STAG1: variants seen among roughly 807,000 people sequenced by gnomAD.
STAG1 encodes the protein STAG1 cohesin complex component.
A neutral mutation model predicts 170.9 loss-of-function variants in STAG1; 26 were observed. That is an observed-to-expected ratio of 0.15 (90% CI 0.11 to 0.21). The LOEUF is 0.21. Ranked by LOEUF, STAG1 falls within the 10% of genes least tolerant of loss-of-function variation. The pLI, the probability that STAG1 is intolerant of heterozygous loss-of-function variation, is 1.00. For synonymous variants in STAG1, 514 were observed against 497.7 expected, an observed-to-expected ratio of 1.03 and a Z score of -0.44; for missense variants, 964 against 1,509.5, an observed-to-expected ratio of 0.64 and a Z score of 5.99.
chr3:136,429,505 G>A (rs532306340), intron 16 of STAG1, among the ~76,000 whole-genome samples: 4 of 152,214 alleles, frequency 2.6e-5, no homozygotes, highest in Non-Finnish European at 5.9e-5. Context: ...AGAAAATGCT[G>A]AAGAAGGGGT....
chr3:136,596,684 C>T (rs1182263783), intron 4 of STAG1, among the ~76,000 whole-genome samples: 5 of 152,154 alleles, frequency 3.3e-5, no homozygotes, highest in Admixed American at 2.0e-4. Flanking sequence ...ATGTGTTATG[C>T]ATCATTCTGC....
chr3:136,512,939 A>G (rs907774634), intron 7 of STAG1, among the ~76,000 whole-genome samples: 1 of 152,228 alleles, frequency 6.6e-6, no homozygotes, highest in Non-Finnish European at 1.5e-5. Context: ...TTACAGTTTA[A>G]AAAGCAGAGA....
intron 5 of STAG1, among the ~76,000 whole-genome samples, chr3:136,559,470 G>C (rs1256434565): frequency 2.0e-5 from 3 of 152,244 alleles, no homozygotes; most frequent in Middle Eastern, 3.4e-3. Flanking sequence ...TAAGCTCCTT[G>C]AGAAACTGCA....
intron 4 of STAG1, among the ~76,000 whole-genome samples, chr3:136,569,454 A>G (rs543632256): frequency 2.0e-5 from 3 of 152,032 alleles, no homozygotes; most frequent in African/African-American, 7.2e-5. Flanking sequence ...GGTTCAATAA[A>G]ATCTACTTAA....
At chr3:136,543,777 A>T (rs1275769544) in intron 5 of STAG1, among the ~76,000 whole-genome samples, 13 of 152,234 alleles carry the variant, frequency 8.5e-5, no homozygotes, top group Admixed American at 7.2e-4. Flanking sequence ...CACATGGGAA[A>T]CATTCAAACA....
At chr3:136,435,522 C>T (rs1288326045) in intron 15 of STAG1, among the ~76,000 whole-genome samples, 1 of 152,100 alleles carries the variant, frequency 6.6e-6, no homozygotes, top group Non-Finnish European at 1.5e-5. Context: ...CCAGAACTCT[C>T]TCAAACCCAC....
At chr3:136,541,724 T>TAATA (rs1935915778) in intron 6 of STAG1, among the ~76,000 whole-genome samples, 2 of 152,188 alleles carry the variant, frequency 1.3e-5, no homozygotes, top group Non-Finnish European at 2.9e-5. Context: ...GAGACAGGTA[T>TAATA]AATATGTGGT....
chr3:136,521,723 A>G (rs746744628), intron 6 of STAG1, among the ~76,000 whole-genome samples: 24 of 152,202 alleles, frequency 1.6e-4, no homozygotes, highest in Non-Finnish European at 2.8e-4. Flanking sequence ...AATCTGAAAC[A>G]GTAAAAAAAA....
intron 1 of STAG1, among the ~76,000 whole-genome samples, chr3:136,701,963 CT>C (rs552750389): frequency 1.2e-3 from 181 of 144,940 alleles, no homozygotes; most frequent in Non-Finnish European, 1.1e-3. Context: ...TTCTTTTACT[CT>C]TTTTTTTTTT....
At chr3:136,416,900 C>T (rs551015956) in intron 21 of STAG1, among the ~76,000 whole-genome samples, 9 of 146,104 alleles carry the variant, frequency 6.2e-5, no homozygotes, top group Non-Finnish European at 8.9e-5. Flanking sequence ...GGCTGAAGTG[C>T]AGTGGCACCA....
rs115832634 is a variant in STAG1 at position 136,494,983 on chromosome 3, C to A, written c.902+5240G>T. 7.5e-3 allele frequency among the ~76,000 whole-genome samples: 1,143 copies of A among 152,174 alleles called. 18 individuals carry two copies. Among genetic ancestry groups the A allele is most frequent in the African/African-American group, 0.026 (1,090 of 41,528 alleles). On this transcript the variant is annotated intron_variant, in intron 9 of 33. Coordinates refer to ENST00000383202, the MANE Select transcript of STAG1 (RefSeq NM_005862.3). ...TGACAAGCTGACCCTAAGATTTATACAGAAATGCAAAGAATCTGTACCAGT... is the reference window on the plus strand; with the variant it reads ...TGACAAGCTGACCCTAAGATTTATAAAGAAATGCAAAGAATCTGTACCAGT...
intron 1 of STAG1, among the ~76,000 whole-genome samples, chr3:136,715,980 C>T (rs1401949906): frequency 1.3e-5 from 2 of 151,924 alleles, no homozygotes; most frequent in Non-Finnish European, 2.9e-5. Flanking sequence ...TGCCAGTAGT[C>T]CCAGCTACTC....
At chr3:136,713,063 G>T (rs1943428402) in intron 1 of STAG1, among the ~76,000 whole-genome samples, 1 of 152,094 alleles carries the variant, frequency 6.6e-6, no homozygotes, top group African/African-American at 2.4e-5. Context: ...CTGCACTCCA[G>T]GCAGGGCAAC....
chr3:136,462,942 A>C (rs2107794532), intron 13 of STAG1, among the ~76,000 whole-genome samples: 2 of 152,316 alleles, frequency 1.3e-5, no homozygotes, highest in Non-Finnish European at 2.9e-5. Flanking sequence ...CAATCTCATA[A>C]GTTTATTTTT....
At chr3:136,702,239 A>G (rs1943105104) in intron 1 of STAG1, among the ~76,000 whole-genome samples, 1 of 152,256 alleles carries the variant, frequency 6.6e-6, no homozygotes, top group African/African-American at 2.4e-5. Context: ...CTCTTGCCTC[A>G]TCCTCCCAAA....
chr3:136,424,118 C>T (rs1377985294), intron 16 of STAG1, among the ~76,000 whole-genome samples: 1 of 152,060 alleles, frequency 6.6e-6, no homozygotes, highest in Non-Finnish European at 1.5e-5. Flanking sequence ...CACGCCCGGC[C>T]TTGTTGTTCA....
intron 1 of STAG1, among the ~76,000 whole-genome samples, chr3:136,694,997 C>T (rs8179900): frequency 1 from 151,901 of 152,306 alleles, 75,751 homozygotes; most frequent in East Asian, 1. Context: ...CTGAGATCAC[C>T]CAGAGAAGTA....
At chr3:136,456,964 G>C in intron 13 of STAG1, among the ~76,000 whole-genome samples, 1 of 152,208 alleles carries the variant, frequency 6.6e-6, no homozygotes. Context: ...TAGAAGCTGA[G>C]GGAATTCATC....
At chr3:136,488,332 A>AGGCTG (rs2090056972) in intron 9 of STAG1, among the ~76,000 whole-genome samples, 1 of 152,204 alleles carries the variant, frequency 6.6e-6, no homozygotes, top group African/African-American at 2.4e-5. Flanking sequence ...CATGTTAGCC[A>AGGCTG]GGCTGGTCTT....
Sources: gnomAD v4.1 joint callset for allele counts (sites outside exome capture counted in the v4.1 genomes callset) on GRCh38, gnomAD v4.1.1 for gene constraint, MANE v1.5 for transcripts, NCBI Gene and HGNC (gene_info 2026-07-23, HGNC 2026-07-21) for gene names.